Variants in RAB44 observed in about 807,000 individuals in gnomAD.
The protein encoded by RAB44 is ras-related protein Rab-44.
RAB44 carries 67 observed loss-of-function variants against 93.3 expected under a neutral mutation model. The observed-to-expected ratio is 0.72, with a 90% CI of 0.59 to 0.88. The LOEUF is 0.88. Among genes scored for constraint, RAB44 ranks in the 40% least tolerant of loss-of-function variants. The pLI is 0.00. For missense variants in RAB44, 1,064 were observed against 1,261.7 expected, an observed-to-expected ratio of 0.84 and a Z score of 2.37; for synonymous variants, 427 against 520.3, an observed-to-expected ratio of 0.82 and a Z score of 2.44.
intron 2 of RAB44, among the ~76,000 whole-genome samples, chr6:36,711,231 A>G (rs1233565995): frequency 6.6e-6 from 1 of 152,254 alleles, no homozygotes; most frequent in Non-Finnish European, 1.5e-5. Context: ...AGAGTAATTA[A>G]TCAATTTAGT....
At chr6:36,710,330 A>G (rs1762750105) in intron 2 of RAB44, among the ~76,000 whole-genome samples, 1 of 152,240 alleles carries the variant, frequency 6.6e-6, no homozygotes, top group African/African-American at 2.4e-5. Context: ...TGTATTTCAC[A>G]TAGCAGAATG....
intron 1 of RAB44, among the ~76,000 whole-genome samples, chr6:36,698,752 ACG>A (rs1438896976): frequency 1.3e-5 from 2 of 152,036 alleles, no homozygotes; most frequent in East Asian, 3.9e-4. Flanking sequence ...GTGCTGGGCG[ACG>A]GCATTTGCAC....
rs982596547 is a variant in RAB44, at chr6:36,722,134, A to C, written c.2000A>C (p.His667Pro). Residue 667 changes from histidine (H) to proline (P), a missense_variant, in exon 9 of 14, where the codon CAC (histidine) becomes CCC (proline). Coordinates refer to ENST00000612677, the MANE Select transcript of RAB44 (RefSeq NM_001257357.2). ...CTGGGTGAGCTGTCTGCCTTCCCCCACCAGGAGCTGGAAGAGGAACCCAGG... is the reference window on the plus strand; with the variant it reads ...CTGGGTGAGCTGTCTGCCTTCCCCCCCCAGGAGCTGGAAGAGGAACCCAGG... Reference protein sequence around the residue: ...LGLGELSAFPHQELEEEPRSE... With the variant: ...LGLGELSAFPPQELEEEPRSE... The C allele has an allele frequency of 1.6e-6, 2 of 1,236,364 alleles. No homozygotes were observed. The highest frequency in any genetic ancestry group is 1.6e-5 in the African/African-American group (1 of 64,496). 76.6% of individuals were successfully genotyped at this position (1,236,364 alleles called of 1,614,324 possible). A position where few individuals can be genotyped will look rare whatever the true frequency, so the allele number is the denominator to read the frequency against.
In RAB44 at chr6:36,704,254, A is replaced by G. The variant is rs1174885617; in HGVS notation, c.19A>G (p.Thr7Ala). 1 of 1,536,112 alleles carries G rather than the reference A, an allele frequency of 6.5e-7. No homozygotes were observed. The highest frequency in any genetic ancestry group is 1.4e-5 in the African/African-American group (1 of 73,152). Residue 7 changes from threonine (T) to alanine (A), a missense_variant, in exon 2 of 14, where the codon ACA (threonine) becomes GCA (alanine). By Grantham distance (58) the Thr-to-Ala change is moderately conservative. Transcript: ENST00000612677. The part of the protein sequence containing the change: METGQR[T>A]SRKVRKLGSN... ...ACGCACCATGGAGACTGGACAGAGAACATCTCGAAAAGTCCGGAAGCTGGG... is the reference window on the plus strand; with the variant it reads ...ACGCACCATGGAGACTGGACAGAGAGCATCTCGAAAAGTCCGGAAGCTGGG...
chr6:36,706,979 G>T (rs1026860338), intron 2 of RAB44, among the ~76,000 whole-genome samples: 1 of 152,082 alleles, frequency 6.6e-6, no homozygotes, highest in African/African-American at 2.4e-5. Context: ...TTGTGAGGGG[G>T]TCAGTGAGAT....
intron 2 of RAB44, among the ~76,000 whole-genome samples, chr6:36,711,917 G>C (rs1291124175): frequency 6.8e-6 from 1 of 148,038 alleles, no homozygotes; most frequent in Admixed American, 6.8e-5. Context: ...AAAAAAAAAA[G>C]AGTTAAAGGC....
rs1018651180 is a variant in RAB44 at position 36,732,390 on chromosome 6, TCTGTG to T, written c.*298_*302del. The T allele has an allele frequency of 3.4e-5, 6 of 177,464 alleles. No homozygotes were observed. Among genetic ancestry groups the T allele is most frequent in the African/African-American group, 1.3e-4 (5 of 39,886 alleles). 11.0% of individuals were successfully genotyped at this position (177,464 alleles called of 1,614,324 possible). A position where few individuals can be genotyped will look rare whatever the true frequency, so the allele number is the denominator to read the frequency against. ...AATACACCAAAATATTGGCCGCACA[TCTGTG>T]GGTGTAAAATTTTAGGGAGAATGTG... On this transcript the variant is annotated 3_prime_UTR_variant, in exon 14 of 14. Coordinates refer to ENST00000612677, the MANE Select transcript of RAB44 (RefSeq NM_001257357.2).
At chr6:36,698,715 C>A (rs567792825) in intron 1 of RAB44, among the ~76,000 whole-genome samples, 1 of 151,984 alleles carries the variant, frequency 6.6e-6, no homozygotes, top group East Asian at 1.9e-4. Context: ...GCAGGGTGGC[C>A]CTGCCAGCTG....
intron 1 of RAB44, among the ~76,000 whole-genome samples, chr6:36,700,821 G>A (rs1762491779): frequency 6.6e-6 from 1 of 152,212 alleles, no homozygotes. Flanking sequence ...GGAACTGCCA[G>A]GCCAAACCCC....
intron 2 of RAB44, among the ~76,000 whole-genome samples, chr6:36,704,836 GT>G (rs1762604078): frequency 2.6e-5 from 4 of 152,222 alleles, no homozygotes; most frequent in Admixed American, 2.6e-4. Context: ...GAGTCTTAGG[GT>G]GGCCAGGTGT....
intron 7 of RAB44, 49 bp downstream of exon 7, chr6:36,718,637 ATCT>A: frequency 5.6e-6 from 5 of 899,200 alleles, no homozygotes; most frequent in Non-Finnish European, 7.3e-6. Flanking sequence ...GGTCTTTAAT[ATCT>A]ATGAACCTCA....
In RAB44 at chr6:36,731,051, C is replaced by T. The variant is rs551491502; in HGVS notation, c.2975+302C>T. On this transcript the variant is annotated intron_variant, in intron 13 of 13. Transcript: ENST00000612677. This position sits in a 1 kb window ranked among gnomAD's most constrained non-coding sequence, Gnocchi z 4.0. ...GAGGGCTGAGAAAAGGAGTGTCTCT[C>T]TTCTGCTCCCAAACTTCCAGTAGCT... Among the ~76,000 whole-genome samples, 33 of 152,146 alleles carry T rather than the reference C, an allele frequency of 2.2e-4. No individual in the cohort carries two copies.
Position 36,721,634 on chromosome 6 carries a change from G to A in RAB44, c.1500G>A (p.Glu500=). The stretch of plus-strand genomic sequence containing the variant: ...CATTCAAAGTGCTCATTCCTTTGGA[G>A]GATGGGCCCCCTCCCCCTGCGAACT... ...APAFKVLIPL[E]DGPPPPANSP... The change falls in exon 9 of 14, where the codon GAG becomes GAA. Residue 500 remains glutamate (E), a synonymous_variant. Transcript: ENST00000612677. 1.6e-6 allele frequency: 2 copies of A among 1,234,640 alleles called. No individual in the cohort carries two copies. The highest frequency in any genetic ancestry group is 2.0e-6 in the Non-Finnish European group (2 of 988,410). The allele number at this position is 1,234,640 out of a possible 1,614,324, so 76.5% of individuals were successfully genotyped here. A position where few individuals can be genotyped will look rare whatever the true frequency, so the allele number is the denominator to read the frequency against.
intron 7 of RAB44, 90 bp from the exon 8 acceptor site, chr6:36,720,273 T>TG (rs1386473642): frequency 1.1e-5 from 12 of 1,086,472 alleles, no homozygotes; most frequent in Non-Finnish European, 1.4e-5. Flanking sequence ...GGACAGGGGG[T>TG]GGGGGTCTGT....
At position 36,722,280 on chromosome 6, in the gene RAB44, C is replaced by T; in HGVS notation, c.2146C>T (p.Leu716=). 9 of 1,297,996 alleles carry T rather than the reference C, an allele frequency of 6.9e-6. No individual in the cohort carries two copies. The highest frequency in any genetic ancestry group is 8.8e-6 in the Non-Finnish European group (9 of 1,025,100). 80.4% of individuals were successfully genotyped at this position (1,297,996 alleles called of 1,614,324 possible). Residue 716 remains leucine (L), a synonymous_variant, in exon 9 of 14, where the codon CTG becomes TTG. Transcript: ENST00000612677. ...TTCGGAACTCCCCCAGCAAGACTCT[C>T]TGCTTGTTTCTCTCCCATCTGCCAC... ...AHSELPQQDS[L]LVSLPSATPQ... is the part of the protein sequence containing the mutation.
In RAB44 at chr6:36,732,421, G is replaced by GT; in HGVS notation, c.*328_*329insT. ...GGTGTAAAATTTTAGGGAGAATGTG[G>GT]GGGGGGGGTGTTACTTTCCATTTTA... On this transcript the variant is annotated 3_prime_UTR_variant, in exon 14 of 14. Transcript: ENST00000612677. 6 of 148,784 alleles carry GT rather than the reference G, an allele frequency of 4.0e-5. No homozygotes were observed. The highest frequency in any genetic ancestry group is 1.2e-4 in the African/African-American group (4 of 34,286). 9.2% of individuals were successfully genotyped at this position (148,784 alleles called of 1,614,324 possible). A position where few individuals can be genotyped will look rare whatever the true frequency, so the allele number is the denominator to read the frequency against.
Position 36,724,403 on chromosome 6 carries a change from C to T in RAB44, c.2600-1459C>T, listed in dbSNP as rs373832952. Among the ~76,000 whole-genome samples the T allele has an allele frequency of 4.6e-5, 7 of 152,038 alleles. No individual in the cohort carries two copies. In the South Asian group the frequency reaches 6.2e-4, roughly 14 times the overall value. On this transcript the variant is annotated intron_variant, in intron 9 of 13. Coordinates refer to ENST00000612677, the MANE Select transcript of RAB44 (RefSeq NM_001257357.2). ...GGCTGGTGACCTCAGGTGATCTGCC[C>T]GCCTCAGCCTCCCAAAGTGCTGGGA...
chr6:36,699,539 G>C (rs568644521), intron 1 of RAB44, among the ~76,000 whole-genome samples: 14 of 152,220 alleles, frequency 9.2e-5, no homozygotes, highest in African/African-American at 2.9e-4. Context: ...GCCTGTCAAC[G>C]CCCACCCCGT....
intron 2 of RAB44, among the ~76,000 whole-genome samples, chr6:36,707,179 G>T (rs1358524904): frequency 6.6e-6 from 1 of 151,962 alleles, no homozygotes; most frequent in Non-Finnish European, 1.5e-5. Context: ...AATTAGCCAG[G>T]CGTGGTGGCT....
Sources: gnomAD v4.1 joint callset for allele counts (sites outside exome capture counted in the v4.1 genomes callset) on GRCh38, gnomAD v4.1.1 for gene constraint, Gnocchi (gnomAD v3.1) non-coding constraint, MANE v1.5 for transcripts, NCBI Gene and HGNC (gene_info 2026-07-23, HGNC 2026-07-21) for gene names.